Variants in CUL3 observed in about 807,000 individuals in gnomAD.
The protein encoded by CUL3 is cullin-3.
Under a neutral mutation model 89.1 loss-of-function variants are expected in CUL3, and 19 were observed. The ratio of observed to expected loss-of-function variants is 0.21; its 90% CI spans 0.15 to 0.31. The LOEUF is 0.31. CUL3 is among the 10% of genes least tolerant of loss of function. The pLI is 1.00. For synonymous variants in CUL3, 351 were observed against 308.4 expected, an observed-to-expected ratio of 1.14 and a Z score of -1.45; for missense variants, 469 against 942.3, an observed-to-expected ratio of 0.50 and a Z score of 6.58.
At chr2:224,551,344 T>C (rs1298169812) in intron 2 of CUL3, among the ~76,000 whole-genome samples, 3 of 152,030 alleles carry the variant, frequency 2.0e-5, no homozygotes, top group Admixed American at 2.0e-4. Flanking sequence ...TAGCTGGGAC[T>C]ACAGGTGCCC....
intron 3 of CUL3, among the ~76,000 whole-genome samples, chr2:224,526,579 C>A (rs11685299): frequency 0.27 from 33,380 of 123,084 alleles, 5,036 homozygotes; most frequent in Middle Eastern, 0.42. Flanking sequence ...GAGGGAGACT[C>A]CGTCTCAAAA....
chr2:224,559,785 C>A (rs1339409815), intron 1 of CUL3, among the ~76,000 whole-genome samples: 3 of 152,138 alleles, frequency 2.0e-5, no homozygotes, highest in African/African-American at 4.8e-5. Context: ...CACTCCTACT[C>A]CTTGAAACAA....
Position 224,470,533 on chromosome 2 carries a change from A to G in CUL3, c.*3712T>C, listed in dbSNP as rs1479290014. On this transcript the variant is annotated 3_prime_UTR_variant, in exon 16 of 16. Transcript: ENST00000264414. ...TAACGTCTCTTCTTCCTTCTGGCTAATTTGACATAGGAAAGGCACACAAAG... is the reference window on the plus strand; with the variant it reads ...TAACGTCTCTTCTTCCTTCTGGCTAGTTTGACATAGGAAAGGCACACAAAG... The G allele has an allele frequency of 4.3e-6, 1 of 231,668 alleles. No individual in the cohort carries two copies. The highest frequency in any genetic ancestry group is 2.2e-5 in the African/African-American group (1 of 45,264). The allele number at this position is 231,668 out of a possible 1,614,324, so 14.4% of individuals were successfully genotyped here. A position where few individuals can be genotyped will look rare whatever the true frequency, so the allele number is the denominator to read the frequency against.
At chr2:224,494,837 A>G (rs1432833913) in intron 13 of CUL3, among the ~76,000 whole-genome samples, 4 of 152,200 alleles carry the variant, frequency 2.6e-5, no homozygotes, top group Non-Finnish European at 5.9e-5. Context: ...AGGGTAGGCA[A>G]TAATTTCTTA....
chr2:224,518,954 A>G (rs773296065), intron 3 of CUL3, among the ~76,000 whole-genome samples: 1 of 152,260 alleles, frequency 6.6e-6, no homozygotes, highest in Non-Finnish European at 1.5e-5. Flanking sequence ...AAAGGCAGAA[A>G]GACATCAGTC....
intron 11 of CUL3, among the ~76,000 whole-genome samples, chr2:224,499,171 C>A (rs1692280499): frequency 6.6e-6 from 1 of 152,322 alleles, no homozygotes; most frequent in Non-Finnish European, 1.5e-5. Context: ...ACAAACTCCA[C>A]AGAAATCATT....
intron 1 of CUL3, among the ~76,000 whole-genome samples, chr2:224,570,441 T>C (rs1695157429): frequency 6.6e-6 from 1 of 152,208 alleles, no homozygotes; most frequent in East Asian, 1.9e-4. Context: ...ATTAAGAAAG[T>C]CTGTGAAAGC....
intron 3 of CUL3, among the ~76,000 whole-genome samples, chr2:224,519,933 GA>G (rs1693201690): frequency 6.8e-6 from 1 of 147,978 alleles, no homozygotes; most frequent in African/African-American, 2.5e-5. Flanking sequence ...CATTCCAAAA[GA>G]GAAAAAAAAA....
intron 1 of CUL3, chr2:224,563,017 A>G: frequency 3.3e-6 from 1 of 305,362 alleles, no homozygotes. Context: ...AGCCCAGAGC[A>G]CAGTATAATC....
chr2:224,583,006 C>A (rs1461488132), intron 1 of CUL3, among the ~76,000 whole-genome samples: 2 of 152,184 alleles, frequency 1.3e-5, no homozygotes, highest in Non-Finnish European at 2.9e-5. Flanking sequence ...AGTTACTCCA[C>A]ATTTTAGCAA....
intron 6 of CUL3, among the ~76,000 whole-genome samples, chr2:224,507,578 A>C (rs1692647834): frequency 6.6e-6 from 1 of 152,190 alleles, no homozygotes; most frequent in African/African-American, 2.4e-5. Context: ...GAAATGTATA[A>C]TATAAATACC....
intron 10 of CUL3, 101 bp from the exon 11 acceptor site, chr2:224,500,588 T>G (rs1274420080): frequency 1.4e-5 from 15 of 1,054,562 alleles, no homozygotes; most frequent in Non-Finnish European, 1.9e-5. Flanking sequence ...GTTAGCTCCA[T>G]GTCTAATATC....
chr2:224,568,402 TTTC>T (rs1695098861), intron 1 of CUL3, among the ~76,000 whole-genome samples: 2 of 152,236 alleles, frequency 1.3e-5, no homozygotes, highest in Non-Finnish European at 2.9e-5. Context: ...ATTATGCATT[TTTC>T]TTCAATGCCA....
In CUL3 at chr2:224,470,784, A is replaced by C; in HGVS notation, c.*3461T>G. 4.3e-6 allele frequency: 1 copy of C among 231,598 alleles called. No individual in the cohort carries two copies. The highest frequency in any genetic ancestry group is 6.2e-5 in the East Asian group (1 of 16,246). 14.3% of individuals were successfully genotyped at this position (231,598 alleles called of 1,614,324 possible). A position where few individuals can be genotyped will look rare whatever the true frequency, so the allele number is the denominator to read the frequency against. ...CTAACAAAAATGTGCAAAATTCCAT[A>C]TTGCAATGCTTCATGTATTAACTTT... is the stretch of plus-strand genomic sequence containing the variant. On this transcript the variant is annotated 3_prime_UTR_variant, in exon 16 of 16. Transcript: ENST00000264414.
chr2:224,519,682 C>T (rs564686405), intron 3 of CUL3, among the ~76,000 whole-genome samples: 17 of 152,138 alleles, frequency 1.1e-4, no homozygotes, highest in Admixed American at 9.8e-4. Context: ...TGATTAATTA[C>T]CATCAAGTAC....
At chr2:224,496,443 G>A (rs2106181564) in intron 12 of CUL3, among the ~76,000 whole-genome samples, 1 of 152,252 alleles carries the variant, frequency 6.6e-6, no homozygotes. Flanking sequence ...CTTAAAATGT[G>A]TGCACACACA....
rs1466853610 is a variant in CUL3, at chr2:224,471,974, T to C, written c.*2271A>G. 1 of 231,068 alleles carries C rather than the reference T, an allele frequency of 4.3e-6. No individual in the cohort carries two copies. The highest frequency in any genetic ancestry group is 2.2e-5 in the African/African-American group (1 of 45,264). 14.3% of individuals were successfully genotyped at this position (231,068 alleles called of 1,614,324 possible). A position where few individuals can be genotyped will look rare whatever the true frequency, so the allele number is the denominator to read the frequency against. On this transcript the variant is annotated 3_prime_UTR_variant, in exon 16 of 16. Transcript: ENST00000264414. ...CATTAAAAACTGAGAAAAAATAGCA[T>C]CTGTGACCTCTTGCTAAAAAGAAAG...
intron 2 of CUL3, among the ~76,000 whole-genome samples, chr2:224,550,063 C>G (rs997113340): frequency 6.6e-6 from 1 of 152,150 alleles, no homozygotes; most frequent in African/African-American, 2.4e-5. Flanking sequence ...AGGGTGCAAT[C>G]CTGGGCCCTC....
chr2:224,524,687 T>C (rs1049007119), intron 3 of CUL3, among the ~76,000 whole-genome samples: 10 of 152,020 alleles, frequency 6.6e-5, no homozygotes, highest in African/African-American at 2.2e-4. Context: ...CGGAACAAAA[T>C]TAAATTTACT....
Sources: gnomAD v4.1 joint callset for allele counts (sites outside exome capture counted in the v4.1 genomes callset) on GRCh38, gnomAD v4.1.1 for gene constraint, MANE v1.5 for transcripts, NCBI Gene and HGNC (gene_info 2026-07-23, HGNC 2026-07-21) for gene names.